The following KAZN variants were observed in gnomAD, a reference collection of about 807,000 sequenced individuals.
KAZN encodes kazrin.
In KAZN, 40 loss-of-function variants were observed where a neutral mutation model predicts 87.4. That is an observed-to-expected ratio of 0.46 (90% CI 0.36 to 0.60). The LOEUF (loss-of-function observed/expected upper bound fraction) is 0.60. Ranked by LOEUF, KAZN falls within the 20% of genes least tolerant of loss-of-function variation. The pLI, the probability that KAZN is intolerant of heterozygous loss-of-function variation, is 0.00. For missense variants in KAZN, 898 were observed against 1,073.9 expected, an observed-to-expected ratio of 0.84 and a Z score of 2.29; for synonymous variants, 466 against 458.3, an observed-to-expected ratio of 1.02 and a Z score of -0.22.
intron 6 of KAZN, chr1:15,063,099 C>G (rs568850584): frequency 1.2e-5 from 2 of 168,572 alleles, no homozygotes; most frequent in African/African-American, 4.8e-5. Context: ...CCTGCCCCTG[C>G]GCAAACTAAG....
intron 2 of KAZN, among the ~76,000 whole-genome samples, chr1:14,405,687 C>T (rs1663795168): frequency 6.6e-6 from 1 of 151,462 alleles, no homozygotes; most frequent in Admixed American, 6.6e-5. Flanking sequence ...AATTGGCACT[C>T]ACAAGATTAT....
At chr1:14,405,820 G>C (rs778727543) in intron 2 of KAZN, among the ~76,000 whole-genome samples, 1 of 152,018 alleles carries the variant, frequency 6.6e-6, no homozygotes, top group African/African-American at 2.4e-5. Flanking sequence ...CTGATGTTTC[G>C]GTGTGAAAGC....
chr1:14,647,477 T>A (rs1680892371), intron 1 of KAZN, among the ~76,000 whole-genome samples: 1 of 152,092 alleles, frequency 6.6e-6, no homozygotes, highest in Non-Finnish European at 1.5e-5. Context: ...GAAGGACCAG[T>A]AGTGGAGTTT....
At chr1:14,146,043 C>T (rs1361086023) in intron 1 of KAZN, among the ~76,000 whole-genome samples, 3 of 151,936 alleles carry the variant, frequency 2.0e-5, no homozygotes, top group African/African-American at 4.8e-5. Flanking sequence ...GTTTGGAGAC[C>T]TTGTTCTGAG....
chr1:14,323,551 T>A (rs572716581), intron 2 of KAZN, among the ~76,000 whole-genome samples: 1 of 152,130 alleles, frequency 6.6e-6, no homozygotes, highest in Non-Finnish European at 1.5e-5. Context: ...GCCCATTCTT[T>A]GTGCCAAGAC....
intron 2 of KAZN, among the ~76,000 whole-genome samples, chr1:14,258,729 A>C (rs1237585538): frequency 6.6e-6 from 1 of 152,180 alleles, no homozygotes; most frequent in Non-Finnish European, 1.5e-5. Flanking sequence ...TTTAAGTCCC[A>C]GCTCTGCCTG....
intron 1 of KAZN, among the ~76,000 whole-genome samples, chr1:13,903,557 C>T (rs1039913497): frequency 6.6e-6 from 1 of 152,120 alleles, no homozygotes; most frequent in Admixed American, 6.6e-5. Context: ...GGCTGAGTGG[C>T]CAGGCTAGAT....
At chr1:14,165,322 G>A (rs1645802393) in intron 1 of KAZN, among the ~76,000 whole-genome samples, 1 of 151,786 alleles carries the variant, frequency 6.6e-6, no homozygotes, top group Admixed American at 6.6e-5. Flanking sequence ...CATTCCCTCT[G>A]TGTCTACTCC....
intron 1 of KAZN, among the ~76,000 whole-genome samples, chr1:14,781,352 AAACC>A (rs1434212660): frequency 2.0e-5 from 3 of 152,162 alleles, no homozygotes; most frequent in Non-Finnish European, 2.9e-5. Flanking sequence ...AAAAAGGCAT[AAACC>A]TCAGTTTCAA....
At chr1:14,959,400 G>C (rs1176128923) in intron 1 of KAZN, among the ~76,000 whole-genome samples, 1 of 151,680 alleles carries the variant, frequency 6.6e-6, no homozygotes, top group Non-Finnish European at 1.5e-5. Flanking sequence ...ATTGTAGAGA[G>C]AGGGACCAGT....
At chr1:14,978,601 C>G (rs1291414323) in intron 2 of KAZN, among the ~76,000 whole-genome samples, 2 of 152,188 alleles carry the variant, frequency 1.3e-5, no homozygotes, top group Non-Finnish European at 2.9e-5. Context: ...TCTTCCCACT[C>G]TTCTGGAAAT....
intron 2 of KAZN, among the ~76,000 whole-genome samples, chr1:15,028,274 C>T (rs1372975937): frequency 6.6e-6 from 1 of 152,226 alleles, no homozygotes; most frequent in African/African-American, 2.4e-5. Context: ...GCCTGCTGGG[C>T]GTGACATCAC....
intron 1 of KAZN, among the ~76,000 whole-genome samples, chr1:14,862,239 C>A (rs950015210): frequency 2.6e-5 from 4 of 152,170 alleles, no homozygotes; most frequent in African/African-American, 7.2e-5. Context: ...AATGTGTGAA[C>A]CAAGTGCCAG....
At chr1:14,610,411 G>T (rs1452156143) in intron 1 of KAZN, among the ~76,000 whole-genome samples, 2 of 151,900 alleles carry the variant, frequency 1.3e-5, no homozygotes, top group Middle Eastern at 3.4e-3. Context: ...TTTTAGTAGA[G>T]ACAGGGTTTC....
intron 2 of KAZN, among the ~76,000 whole-genome samples, chr1:14,976,163 A>G (rs1665600748): frequency 6.6e-6 from 1 of 151,320 alleles, no homozygotes; most frequent in African/African-American, 2.4e-5. Flanking sequence ...ACAGTTTTTT[A>G]TTTTATATTC....
intron 1 of KAZN, among the ~76,000 whole-genome samples, chr1:14,801,906 T>A (rs1369879407): frequency 6.6e-6 from 1 of 151,890 alleles, no homozygotes; most frequent in Non-Finnish European, 1.5e-5. Flanking sequence ...GTATGGTGTC[T>A]ATCTCCTGAC....
In KAZN at chr1:14,494,797, C is replaced by T. The variant is rs577263875; in HGVS notation, c.250-104186C>T. 1.1e-4 allele frequency among the ~76,000 whole-genome samples: 17 copies of T among 152,250 alleles called. No individual in the cohort carries two copies. The South Asian group carries it at 3.5e-3, about 32-fold the overall frequency. ...TTCTAAAATGTGACCCCTTTCAGTA[C>T]AAATTAAAATGCATTCGGTGCAGCA... On this transcript the variant is annotated intron_variant, in intron 2 of 16. Coordinates refer to the KAZN transcript ENST00000636203.
chr1:15,072,521 G>A (rs796557343), intron 8 of KAZN, among the ~76,000 whole-genome samples: 26 of 152,330 alleles, frequency 1.7e-4, no homozygotes, highest in African/African-American at 5.5e-4. Flanking sequence ...CTTAGACGCT[G>A]CTCTCAGAAC....
chr1:14,061,492 G>A (rs1005715207), intron 1 of KAZN, among the ~76,000 whole-genome samples: 15 of 151,878 alleles, frequency 9.9e-5, no homozygotes, highest in African/African-American at 2.9e-4. Context: ...ATATGACCCC[G>A]TAGAACGTTC....
Sources: allele counts gnomAD v4.1 joint callset (sites outside exome capture counted in the v4.1 genomes callset), GRCh38; gene constraint gnomAD v4.1.1; transcripts MANE v1.5; gene names NCBI Gene and HGNC (gene_info 2026-07-23, HGNC 2026-07-21).